The following CACNB2 variants were observed in gnomAD, a reference collection of about 807,000 sequenced individuals.
CACNB2 encodes the protein calcium voltage-gated channel auxiliary subunit beta 2.
CACNB2 carries 42 observed loss-of-function variants against 73.3 expected under a neutral mutation model. The observed-to-expected ratio is 0.57, with a 90% CI of 0.45 to 0.74. The LOEUF is 0.74. Among genes scored for constraint, CACNB2 ranks in the 30% least tolerant of loss-of-function variants. The pLI, the probability that CACNB2 is intolerant of heterozygous loss-of-function variation, is 0.00. For synonymous variants in CACNB2, 348 were observed against 310.3 expected, an observed-to-expected ratio of 1.12 and a Z score of -1.28; for missense variants, 940 against 853.0, an observed-to-expected ratio of 1.10 and a Z score of -1.27.
intron 2 of CACNB2, among the ~76,000 whole-genome samples, chr10:18,274,473 TATG>T (rs2038192141): frequency 6.6e-6 from 1 of 152,182 alleles, no homozygotes; most frequent in South Asian, 2.1e-4. Context: ...TCTCACCTTG[TATG>T]TAAGCACTCT....
intron 2 of CACNB2, among the ~76,000 whole-genome samples, chr10:18,295,062 T>C (rs751813171): frequency 6.6e-6 from 1 of 152,244 alleles, no homozygotes; most frequent in Non-Finnish European, 1.5e-5. Context: ...TTTATTTTTT[T>C]ACCGATATTG....
At chr10:18,221,519 G>A (rs2489201) in intron 2 of CACNB2, among the ~76,000 whole-genome samples, 94,250 of 151,804 alleles carry the variant, frequency 0.62, 30,323 homozygotes, top group Non-Finnish European at 0.71. Flanking sequence ...TCTCTACTAA[G>A]AATACAAAAG....
intron 3 of CACNB2, among the ~76,000 whole-genome samples, chr10:18,462,013 C>T (rs1293211298): frequency 6.6e-6 from 1 of 152,076 alleles, no homozygotes; most frequent in East Asian, 1.9e-4. Context: ...TACCTCTCCA[C>T]CCTCACAGCC....
intron 2 of CACNB2, among the ~76,000 whole-genome samples, chr10:18,270,964 T>A (rs1369851422): frequency 6.6e-6 from 1 of 152,212 alleles, no homozygotes; most frequent in Non-Finnish European, 1.5e-5. Flanking sequence ...TTATTCCTAC[T>A]TGTCATTATA....
chr10:18,439,278 T>C (rs1482621163), intron 3 of CACNB2, among the ~76,000 whole-genome samples: 1 of 152,120 alleles, frequency 6.6e-6, no homozygotes, highest in African/African-American at 2.4e-5. Context: ...ATGAGGGTTA[T>C]TTTAGTAAGG....
At chr10:18,279,196 G>C (rs181877880) in intron 2 of CACNB2, among the ~76,000 whole-genome samples, 1 of 152,264 alleles carries the variant, frequency 6.6e-6, no homozygotes, top group African/African-American at 2.4e-5. Context: ...TCCCAGAACT[G>C]GTAAAACAAA....
chr10:18,184,233 G>A (rs1322078089), intron 2 of CACNB2, among the ~76,000 whole-genome samples: 1 of 152,158 alleles, frequency 6.6e-6, no homozygotes, highest in African/African-American at 2.4e-5. Flanking sequence ...AGAAAGACAG[G>A]ACTTCTTGAG....
At chr10:18,489,436 A>G (rs1010965911) in intron 3 of CACNB2, among the ~76,000 whole-genome samples, 93 of 136,834 alleles carry the variant, frequency 6.8e-4, no homozygotes, top group African/African-American at 2.4e-3. Context: ...TGTTGTCTTA[A>G]AATTTAACTT....
chr10:18,396,212 C>A (rs1353719698), intron 2 of CACNB2, among the ~76,000 whole-genome samples: 1 of 152,104 alleles, frequency 6.6e-6, no homozygotes, highest in South Asian at 2.1e-4. Context: ...CTGCCTCTGC[C>A]TCCCAAAGTG....
chr10:18,537,450 C>G (rs2053712934), intron 12 of CACNB2, among the ~76,000 whole-genome samples: 3 of 152,114 alleles, frequency 2.0e-5, no homozygotes, highest in African/African-American at 4.8e-5. Flanking sequence ...ATTTCACATC[C>G]TAATCTTACC....
At chr10:18,376,538 GATAAA>G (rs1334113902) in intron 2 of CACNB2, among the ~76,000 whole-genome samples, 3 of 152,166 alleles carry the variant, frequency 2.0e-5, no homozygotes, top group East Asian at 1.9e-4. Context: ...AATTATTTTA[GATAAA>G]ATAAACTTGA....
intron 9 of CACNB2, among the ~76,000 whole-genome samples, chr10:18,523,432 A>C (rs2052125446): frequency 6.6e-6 from 1 of 152,206 alleles, no homozygotes; most frequent in South Asian, 2.1e-4. Flanking sequence ...TCAGCCACCC[A>C]GATTGGTTTT....
intron 2 of CACNB2, among the ~76,000 whole-genome samples, chr10:18,361,678 A>T (rs1206543661): frequency 6.9e-6 from 1 of 145,602 alleles, no homozygotes; most frequent in Non-Finnish European, 1.5e-5. Flanking sequence ...AAGTGGCATG[A>T]TCTCAGCTCA....
At chr10:18,510,305 CTT>C (rs1050995349) in intron 6 of CACNB2, among the ~76,000 whole-genome samples, 3 of 151,946 alleles carry the variant, frequency 2.0e-5, no homozygotes, top group Admixed American at 6.5e-5. Context: ...CGTTTCCACT[CTT>C]TCTTTGTTTT....
At chr10:18,162,451 A>G (rs11012843) in intron 2 of CACNB2, among the ~76,000 whole-genome samples, 32,137 of 152,088 alleles carry the variant, frequency 0.21, 3,862 homozygotes, top group African/African-American at 0.33. Flanking sequence ...TCGTTCACCA[A>G]TGTGTGGATC....
chr10:18,304,990 A>G (rs531153820), intron 2 of CACNB2, among the ~76,000 whole-genome samples: 1 of 152,362 alleles, frequency 6.6e-6, no homozygotes, highest in Non-Finnish European at 1.5e-5. Context: ...GAAGTTTAGG[A>G]CTCATTACTG....
At chr10:18,352,742 C>A in intron 2 of CACNB2, among the ~76,000 whole-genome samples, 1 of 152,168 alleles carries the variant, frequency 6.6e-6, no homozygotes, top group Non-Finnish European at 1.5e-5. Flanking sequence ...TAGTATATGA[C>A]ATTTTTAAGG....
At chr10:18,313,498 A>T (rs1810291280) in intron 2 of CACNB2, among the ~76,000 whole-genome samples, 1 of 151,860 alleles carries the variant, frequency 6.6e-6, no homozygotes, top group African/African-American at 2.4e-5. Flanking sequence ...GTATTTTTTT[A>T]AATCTGTTTT....
intron 2 of CACNB2, among the ~76,000 whole-genome samples, chr10:18,323,389 G>GT (rs140972007): frequency 0.19 from 28,164 of 150,606 alleles, 2,715 homozygotes; most frequent in Middle Eastern, 0.28. Context: ...TGAGGGCTTG[G>GT]TTTTTTTTTA....
Sources: allele counts gnomAD v4.1 joint callset (sites outside exome capture counted in the v4.1 genomes callset), GRCh38; gene constraint gnomAD v4.1.1; transcripts MANE v1.5; gene names NCBI Gene and HGNC (gene_info 2026-07-23, HGNC 2026-07-21).